The following MYOM2 variants were observed in gnomAD, a reference collection of about 807,000 sequenced individuals.
MYOM2 encodes the protein myomesin 2, also known as myomesin-2.
In MYOM2, 254 loss-of-function variants were observed where a neutral mutation model predicts 187.6. That is an observed-to-expected ratio of 1.35 (90% CI 1.22 to 1.50). The LOEUF is 1.50. MYOM2 is among the 40% of genes most tolerant of loss of function. The probability of loss-of-function intolerance (pLI) is 0.00; values close to 1 mark genes in which losing one functional copy is unlikely to be tolerated. For missense variants in MYOM2, 2,796 were observed against 1,924.0 expected, an observed-to-expected ratio of 1.45 and a Z score of -8.48; for synonymous variants, 981 against 753.8, an observed-to-expected ratio of 1.30 and a Z score of -4.94.
chr8:2,116,310 C>G (rs769687191), intron 27 of MYOM2, 35 bp downstream of exon 27: 16 of 1,587,170 alleles, frequency 1.0e-5, no homozygotes, highest in Non-Finnish European at 1.4e-5. Context: ...TCCCCTGCCC[C>G]TAGCATAAAG....
chr8:2,143,711 C>G (rs988396169), intron 36 of MYOM2, among the ~76,000 whole-genome samples: 4 of 152,226 alleles, frequency 2.6e-5, no homozygotes, highest in Non-Finnish European at 4.4e-5. Flanking sequence ...TTGTGCCACT[C>G]AGGCACCTCA....
At chr8:2,066,765 T>C (rs1222969307) in intron 6 of MYOM2, among the ~76,000 whole-genome samples, 1 of 152,178 alleles carries the variant, frequency 6.6e-6, no homozygotes, top group Non-Finnish European at 1.5e-5. Flanking sequence ...ATGCTTAGCA[T>C]TGGAGAAAGC....
In MYOM2 at chr8:2,145,397, A is replaced by G; in HGVS notation, c.*416A>G. On this transcript the variant is annotated 3_prime_UTR_variant, in exon 37 of 37. Transcript: ENST00000262113. Reference sequence around the variant, plus strand: ...ATCCTGGCTGTCGAGGCTTTGAAGCATGTGTTACCTGGTTAAGCTTGTTTT... The same window carrying G: ...ATCCTGGCTGTCGAGGCTTTGAAGCGTGTGTTACCTGGTTAAGCTTGTTTT... 4.0e-6 allele frequency: 1 copy of G among 249,828 alleles called. No individual in the cohort carries two copies. The highest frequency in any genetic ancestry group is 7.5e-6 in the Non-Finnish European group (1 of 133,378). 15.5% of individuals were successfully genotyped at this position (249,828 alleles called of 1,614,324 possible).
In MYOM2 at chr8:2,092,200, C is replaced by T. The variant is rs200263689; in HGVS notation, c.1829-146C>T. On this transcript the variant is annotated intron_variant, in intron 15 of 36. Coordinates refer to ENST00000262113, the MANE Select transcript of MYOM2 (RefSeq NM_003970.4). ...CTCGGGTGGTCGGCCCGGGGCTCCT[C>T]TCCTACTCCTGGACCCCTTGTCTGA... 4.0e-5 allele frequency: 38 copies of T among 959,098 alleles called. No individual in the cohort carries two copies. The East Asian group carries it at 7.5e-4, about 19-fold the overall frequency. The allele number at this position is 959,098 out of a possible 1,614,324, so 59.4% of individuals were successfully genotyped here.
intron 13 of MYOM2, among the ~76,000 whole-genome samples, chr8:2,082,395 AT>A (rs11394207): frequency 0.31 from 47,633 of 151,680 alleles, 8,161 homozygotes; most frequent in African/African-American, 0.45. Flanking sequence ...TCTTCAGCTG[AT>A]TTTTTTTTCT....
chr8:2,145,085 G>GATCAACTATCAGCCCACACA lies in MYOM2; in HGVS notation c.*104_*105insATCAACTATCAGCCCACACA. On this transcript the variant is annotated 3_prime_UTR_variant, in exon 37 of 37. Coordinates refer to ENST00000262113, the MANE Select transcript of MYOM2 (RefSeq NM_003970.4). ...CTGGCATCCGAGTGGTGTCCTGTGT[G>GATCAACTATCAGCCCACACA]GGCTGATAGTTGATCACACATTGTG... is the stretch of plus-strand genomic sequence containing the variant. The GATCAACTATCAGCCCACACA allele has an allele frequency of 2.4e-6, 3 of 1,256,468 alleles. No homozygotes were observed. The highest frequency in any genetic ancestry group is 3.3e-6 in the Non-Finnish European group (3 of 897,514). The allele number at this position is 1,256,468 out of a possible 1,614,324, so 77.8% of individuals were successfully genotyped here.
At chr8:2,050,733 T>C in intron 1 of MYOM2, 22 bp from the exon 2 acceptor site, 1 of 1,443,618 alleles carries the variant, frequency 6.9e-7, no homozygotes, top group Non-Finnish European at 9.7e-7. Context: ...GAGCTCAGTG[T>C]TGTGTGTGAC....
At chr8:2,116,986 A>G (rs535405838) in intron 27 of MYOM2, among the ~76,000 whole-genome samples, 10 of 152,282 alleles carry the variant, frequency 6.6e-5, no homozygotes, top group African/African-American at 2.2e-4. Context: ...GATGGTCTCG[A>G]TCTCCTGACC....
chr8:2,098,358 C>G (rs987347620), intron 18 of MYOM2, among the ~76,000 whole-genome samples: 2 of 152,106 alleles, frequency 1.3e-5, no homozygotes, highest in African/African-American at 4.8e-5. Flanking sequence ...CTGCAGCACC[C>G]CAGGGACATG....
In MYOM2 at chr8:2,072,384, T is replaced by C; in HGVS notation, c.833T>C (p.Val278Ala). ...ATGATTCCGTACACGCACTTCGACG[T>C]CCAGTTTTTGGAGAAGTTTGGGGTC... Reference protein sequence around the residue: ...SSMIPYTHFDVQFLEKFGVTF... With the variant: ...SSMIPYTHFDAQFLEKFGVTF... The change falls in exon 9 of 37, where the codon GTC (valine) becomes GCC (alanine). Residue 278 changes from valine (V) to alanine (A), a missense_variant. Physicochemically the swap from Val to Ala is moderately conservative, Grantham distance 64. Transcript: ENST00000262113. 1 of 1,613,880 alleles carries C rather than the reference T, an allele frequency of 6.2e-7. No individual in the cohort carries two copies.
intron 25 of MYOM2, among the ~76,000 whole-genome samples, 184 bp downstream of exon 25, chr8:2,109,715 C>T (rs1165806491): frequency 6.6e-6 from 1 of 152,094 alleles, no homozygotes; most frequent in Non-Finnish European, 1.5e-5. Flanking sequence ...AAGGTTTGGT[C>T]TGGGTTACAG....
chr8:2,140,697 G>C lies in MYOM2; in HGVS notation c.3801-26G>C, dbSNP rs190871363. On this transcript the variant is annotated intron_variant, in intron 32 of 36. Transcript: ENST00000262113. ...CGTGTGACATGGAGACCCTAACTCAGATACGTTCCTGTTGCTCTTTTCAAG... is the reference window on the plus strand; with the variant it reads ...CGTGTGACATGGAGACCCTAACTCACATACGTTCCTGTTGCTCTTTTCAAG... The C allele has an allele frequency of 4.3e-6, 7 of 1,611,888 alleles. No homozygotes were observed. In the East Asian group the frequency reaches 1.6e-4, roughly 36 times the overall value.
chr8:2,140,970 A>G, intron 33 of MYOM2, 84 bp downstream of exon 33: 1 of 1,411,210 alleles, frequency 7.1e-7, no homozygotes, highest in African/African-American at 1.4e-5. Flanking sequence ...CAATATGAAT[A>G]CAAGAGACAA....
Position 2,073,428 on chromosome 8 carries a change from G to C in MYOM2, c.1048G>C (p.Glu350Gln). 1 of 1,613,008 alleles carries C rather than the reference G, an allele frequency of 6.2e-7. No homozygotes were observed. Among genetic ancestry groups the C allele is most frequent in the South Asian group, 1.1e-5 (1 of 90,948 alleles). The change falls in exon 10 of 37, where the codon GAG becomes CAG. Residue 350 changes from glutamate to glutamine, a missense_variant. By Grantham distance (29) the Glu-to-Gln change is conservative. Transcript: ENST00000262113. ...CTTCAGCCACCTGCACAAGGACGAC[G>C]AGGGCCTGTACACCCTGCGCATCGT... ...LSFSHLHKDD[E>Q]GLYTLRIVSR...
In MYOM2 at chr8:2,085,456, G is replaced by T. The variant is rs1171013710; in HGVS notation, c.1644+66G>T. The T allele has an allele frequency of 2.8e-4, 444 of 1,562,948 alleles. 5 individuals carry two copies. Among genetic ancestry groups the T allele is most frequent in the Middle Eastern group, 2.0e-3 (11 of 5,640 alleles). On this transcript the variant is annotated intron_variant, in intron 14 of 36. Transcript: ENST00000262113. ...ATGGCCCCCCACTGTCATGATCTCT[G>T]CGTGGCCCACCGCTGTCGTGATCTC...
chr8:2,106,692 A>AG, intron 23 of MYOM2, 95 bp downstream of exon 23: 1 of 955,664 alleles, frequency 1.0e-6, no homozygotes, highest in Non-Finnish European at 1.6e-6. Flanking sequence ...CTTAGAAAAA[A>AG]GACGTATGTT....
intron 1 of MYOM2, among the ~76,000 whole-genome samples, chr8:2,045,645 A>C (rs1367567731): frequency 6.6e-6 from 1 of 151,962 alleles, no homozygotes; most frequent in Non-Finnish European, 1.5e-5. Context: ...TATATTATCC[A>C]CGGTATGGGA....
chr8:2,062,545 G>A (rs1041043907), intron 6 of MYOM2, among the ~76,000 whole-genome samples: 1 of 152,188 alleles, frequency 6.6e-6, no homozygotes, highest in Admixed American at 6.5e-5. Flanking sequence ...GGTAGGCCTG[G>A]GTTGGGCAGT....
chr8:2,095,279 AG>A (rs1796439325), intron 17 of MYOM2, among the ~76,000 whole-genome samples: 1 of 150,784 alleles, frequency 6.6e-6, no homozygotes, highest in African/African-American at 2.5e-5. Context: ...TTCCTACTAA[AG>A]GAAAACCACT....
Sources: gnomAD v4.1 joint callset for allele counts (sites outside exome capture counted in the v4.1 genomes callset) on GRCh38, gnomAD v4.1.1 for gene constraint, MANE v1.5 for transcripts, NCBI Gene and HGNC (gene_info 2026-07-23, HGNC 2026-07-21) for gene names.